Variants in ENTPD8 observed in about 807,000 individuals in gnomAD.
ENTPD8 encodes the protein E-NTPDase 8.
Under a neutral mutation model 47.0 loss-of-function variants are expected in ENTPD8, and 35 were observed. The observed-to-expected ratio is 0.75, with a 90% CI of 0.57 to 0.99. The LOEUF is 0.99. ENTPD8 is among the 50% of genes least tolerant of loss of function. ENTPD8 has a pLI of 0.00. For missense variants in ENTPD8, 668 were observed against 649.9 expected (o/e 1.03, Z -0.30); for synonymous variants, 308 against 290.5 (o/e 1.06, Z -0.61).
Position 137,438,272 on chromosome 9 carries a change from CG to C in ENTPD8, c.13del (p.Arg5GlyfsTer105). On this transcript the variant is annotated frameshift_variant, in exon 2 of 10. Coordinates refer to ENST00000371506, the MANE Select transcript of ENTPD8 (RefSeq NM_001033113.2). LOFTEE classifies it high-confidence loss of function. The surrounding 1 kb of genome is among the most constrained non-coding windows in gnomAD (Gnocchi z 5.7). MGLSRKEQVFLALLG... is the reference protein window; with the variant it reads MGLSXKEQVFLALLG... ...CAGGGCCAAGAAGACCTGCTCCTTC[CG>C]GGACAGCCCCATGGTGCAGGTGGTA... 6.3e-7 allele frequency: 1 copy of C among 1,587,152 alleles called. No homozygotes were observed. Among genetic ancestry groups the C allele is most frequent in the Non-Finnish European group, 8.6e-7 (1 of 1,166,992 alleles).
chr9:137,436,291 G>T lies in ENTPD8; in HGVS notation c.787-15C>A, dbSNP rs1002274306. The T allele has an allele frequency of 6.4e-7, 1 of 1,559,858 alleles. No homozygotes were observed. Among genetic ancestry groups the T allele is most frequent in the Admixed American group, 1.8e-5 (1 of 54,392 alleles). The stretch of plus-strand genomic sequence containing the variant: ...GCCGGGCGGCTCTGCAGAGGGCAGG[G>T]AGGCCTGAGCACCAGCCGCACACCT... On this transcript the variant is annotated splice_polypyrimidine_tract_variant and intron_variant, in intron 6 of 9. Transcript: ENST00000371506.
Position 137,434,373 on chromosome 9 carries a change from C to G in ENTPD8, c.*541G>C, listed in dbSNP as rs760489703. On this transcript the variant is annotated 3_prime_UTR_variant, in exon 10 of 10. Coordinates refer to ENST00000371506, the MANE Select transcript of ENTPD8 (RefSeq NM_001033113.2). ...AGATCAGCCCTAATGATGCTGTGTC[C>G]ATGATGCTTTTAATAAAAACAACCC... 7.7e-6 allele frequency: 12 copies of G among 1,557,948 alleles called. No homozygotes were observed. Among genetic ancestry groups the G allele is most frequent in the Admixed American group, 1.9e-5 (1 of 53,442 alleles).
chr9:137,437,952 G>A lies in ENTPD8; in HGVS notation c.244+15C>T. ...AGGCAGGTCCCAGCACCGGGCTGCA[G>A]AACAGCCCACTAACCTTCCACCTGG... On this transcript the variant is annotated intron_variant, in intron 3 of 9. Transcript: ENST00000371506. 1 of 1,600,038 alleles carries A rather than the reference G, an allele frequency of 6.2e-7. No homozygotes were observed.
intron 7 of ENTPD8, 41 bp from the exon 8 acceptor site, chr9:137,435,870 C>T (rs373670927): frequency 1.9e-5 from 30 of 1,606,656 alleles, no homozygotes; most frequent in South Asian, 5.5e-5. Context: ...GCTGTGGCCA[C>T]GCTGGGCCAG....
rs1197594288 is a variant in ENTPD8, at chr9:137,436,893, G to A, written c.531C>T (p.Asn177=). 3.1e-6 allele frequency: 5 copies of A among 1,613,008 alleles called. No homozygotes were observed. The highest frequency in any genetic ancestry group is 4.2e-6 in the Non-Finnish European group (5 of 1,179,932). ...AEGAFGWITV[N]YGLGTLVKYS... ...CCTTGACCAGCGTCCCCAAGCCGTA[G>A]TTGACAGTGATCCAACCAAAGGCAC... Residue 177 remains asparagine (N), a synonymous_variant, in exon 5 of 10, where the codon AAC becomes AAT. Coordinates refer to ENST00000371506, the MANE Select transcript of ENTPD8 (RefSeq NM_001033113.2).
chr9:137,436,070 G>A lies in ENTPD8; in HGVS notation c.993C>T (p.Gly331=). The change falls in exon 7 of 10, where the codon GGC becomes GGT. Residue 331 remains glycine (G), a synonymous_variant. Coordinates refer to ENST00000371506, the MANE Select transcript of ENTPD8 (RefSeq NM_001033113.2). The part of the protein sequence containing the change: ...RELFNFSSCQ[G]QEDCAFDGVY... ...CCCCGTCAAAGGCGCAGTCCTCCTG[G>A]CCCTGGCAGCTGGAGAAGTTGAAAA... 1 of 1,612,960 alleles carries A rather than the reference G, an allele frequency of 6.2e-7. No homozygotes were observed. The highest frequency in any genetic ancestry group is 8.5e-7 in the Non-Finnish European group (1 of 1,179,984).
chr9:137,436,610 A>G lies in ENTPD8; in HGVS notation c.697T>C (p.Tyr233His). ...GTGTAGACGCTGTAGTCGGAGCCGT[A>G]GAGGCGAAAATCGGCCTGGGTGCTC... The part of the protein sequence containing the change: ...DKSTQADFRL[Y>H]GSDYSVYTHS... Residue 233 changes from tyrosine (Y) to histidine (H), a missense_variant, in exon 6 of 10, where the codon TAC becomes CAC. Transcript: ENST00000371506. 1 of 1,610,836 alleles carries G rather than the reference A, an allele frequency of 6.2e-7. No homozygotes were observed.
In ENTPD8 at chr9:137,436,707, C is replaced by T. The variant is rs1233548404; in HGVS notation, c.600G>A (p.Leu200=). ...GEWIQPPEEM[L]VGALDMGGAS... ...CCCCTCCCATGTCCAGGGCACCCAC[C>T]AGCATCTCCTCCGGAGGCTGGATCC... Residue 200 remains leucine, a synonymous_variant, in exon 6 of 10, where the codon CTG becomes CTA. Transcript: ENST00000371506. 2.5e-6 allele frequency: 4 copies of T among 1,598,984 alleles called. No individual in the cohort carries two copies. The highest frequency in any genetic ancestry group is 3.4e-6 in the Non-Finnish European group (4 of 1,173,140).
intron 3 of ENTPD8, among the ~76,000 whole-genome samples, chr9:137,437,526 T>G (rs941780737): frequency 4.6e-5 from 7 of 152,208 alleles, no homozygotes; most frequent in African/African-American, 1.7e-4. Flanking sequence ...TCTAGAATGC[T>G]GAGAAATAAG....
In ENTPD8 at chr9:137,437,304, C is replaced by T; in HGVS notation, c.250G>A (p.Gly84Arg). ...QALACQVEGP[G>R]ISSYTSNAAQ... Reference sequence around the variant, plus strand: ...GCATTAGAAGTGTAGGAGGAGATTCCAGGCCCTGGAACAGCAGCCGGGGAC... The same window carrying T: ...GCATTAGAAGTGTAGGAGGAGATTCTAGGCCCTGGAACAGCAGCCGGGGAC... Residue 84 changes from glycine to arginine, a missense_variant, in exon 4 of 10, where the codon GGA becomes AGA. Physicochemically the swap from Gly to Arg is moderately radical, Grantham distance 125. Coordinates refer to ENST00000371506, the MANE Select transcript of ENTPD8 (RefSeq NM_001033113.2). 3 of 1,610,774 alleles carry T rather than the reference C, an allele frequency of 1.9e-6. No homozygotes were observed. Among genetic ancestry groups the T allele is most frequent in the Non-Finnish European group, 2.5e-6 (3 of 1,178,630 alleles).
intron 4 of ENTPD8, 33 bp downstream of exon 4, chr9:137,437,126 T>G: frequency 6.2e-7 from 1 of 1,606,078 alleles, no homozygotes. Context: ...CTGCAGCCAC[T>G]CCCCGTGGGT....
chr9:137,436,115 G>T lies in ENTPD8; in HGVS notation c.948C>A (p.Cys316Ter). The T allele has an allele frequency of 1.2e-6, 2 of 1,613,016 alleles. No individual in the cohort carries two copies. The highest frequency in any genetic ancestry group is 1.7e-6 in the Non-Finnish European group (2 of 1,179,982). Reference protein sequence around the residue: ...TVEGTGNPGACVSAIRELFNF... With the variant: ...TVEGTGNPGA ...TGAAAAGTTCCCGGATGGCTGAGAC[G>T]CAGGCTCCAGGGTTGCCTGTCCCTT... Residue 316 changes from cysteine to a stop codon, truncating the protein, a stop_gained, in exon 7 of 10, where the codon TGC (cysteine) becomes TGA (stop). Coordinates refer to ENST00000371506, the MANE Select transcript of ENTPD8 (RefSeq NM_001033113.2). LOFTEE classifies it high-confidence loss of function.
intron 5 of ENTPD8, 51 bp downstream of exon 5, chr9:137,436,816 CCA>C: frequency 6.2e-7 from 1 of 1,604,372 alleles, no homozygotes; most frequent in Non-Finnish European, 8.5e-7. Flanking sequence ...TCAGCCAGCC[CCA>C]GACACCAGCC....
rs758162819 is a variant in ENTPD8, at chr9:137,436,996, A to G, written c.428T>C (p.Phe143Ser). 1 of 1,612,888 alleles carries G rather than the reference A, an allele frequency of 6.2e-7. No individual in the cohort carries two copies. The highest frequency in any genetic ancestry group is 1.7e-5 in the Admixed American group (1 of 60,022). ...GCCCAGGACCTGGGTGACTGCTGCA[A>G]AGATGTCCCTGGCCTGAGAGCTGTT... ...RKNSSQARDI[F>S]AAVTQVLGRS... is the part of the protein sequence containing the mutation. Residue 143 changes from phenylalanine to serine, a missense_variant, in exon 5 of 10, where the codon TTT (phenylalanine) becomes TCT (serine). Phe to Ser is a radical substitution (Grantham distance 155). Transcript: ENST00000371506.
At chr9:137,435,156 C>T (rs773205956) in intron 9 of ENTPD8, 48 bp downstream of exon 9, 55 of 1,601,698 alleles carry the variant, frequency 3.4e-5, no homozygotes, top group East Asian at 2.9e-4. Context: ...CCCAGGACCA[C>T]GACCTGCCCA....
rs1025386652 is a variant in ENTPD8, at chr9:137,438,591, C to T, written c.-20-286G>A. 9.2e-5 allele frequency among the ~76,000 whole-genome samples: 14 copies of T among 151,520 alleles called. No individual in the cohort carries two copies. The highest frequency in any genetic ancestry group is 1.2e-4 in the African/African-American group (5 of 41,228). On this transcript the variant is annotated intron_variant, in intron 1 of 9. Transcript: ENST00000371506. The surrounding 1 kb of genome is among the most constrained non-coding windows in gnomAD (Gnocchi z 5.7). ...CCTCCCGTGGCCATAGAGGCATCCC[C>T]GGGGCTCAGACGGCCTCCCGTGGCC...
At position 137,438,246 on chromosome 9, in the gene ENTPD8, G is replaced by C; in HGVS notation, c.40C>G (p.Leu14Val). 2 of 1,599,088 alleles carry C rather than the reference G, an allele frequency of 1.3e-6. No individual in the cohort carries two copies. The highest frequency in any genetic ancestry group is 1.7e-6 in the Non-Finnish European group (2 of 1,173,396). The change falls in exon 2 of 10, where the codon CTG (leucine) becomes GTG (valine). Residue 14 changes from leucine (L) to valine (V), a missense_variant. Transcript: ENST00000371506. The surrounding 1 kb of genome is among the most constrained non-coding windows in gnomAD (Gnocchi z 5.7). ...AGGCCTGAGACCCCCGAGGCCCCCA[G>C]CAGGGCCAAGAAGACCTGCTCCTTC... ...SRKEQVFLAL[L>V]GASGVSGLTA...
chr9:137,437,847 C>T (rs1027108067), intron 3 of ENTPD8, 120 bp downstream of exon 3: 11 of 899,504 alleles, frequency 1.2e-5, no homozygotes, highest in Non-Finnish European at 1.7e-5. Flanking sequence ...AGCACCCATG[C>T]CCGGCGTGTG....
chr9:137,436,168 G>T lies in ENTPD8; in HGVS notation c.895C>A (p.Leu299Met), dbSNP rs746745798. The T allele has an allele frequency of 2.5e-6, 4 of 1,612,940 alleles. No individual in the cohort carries two copies. Among genetic ancestry groups the T allele is most frequent in the Non-Finnish European group, 3.4e-6 (4 of 1,179,972 alleles). ...ESPCVHATPP[L>M]SLPQNLTVEG... is the part of the protein sequence containing the mutation. ...ACTGTGAGGTTCTGGGGGAGGCTCA[G>T]CGGGGGCGTGGCGTGGACACAGGGT... Residue 299 changes from leucine to methionine, a missense_variant, in exon 7 of 10, where the codon CTG (leucine) becomes ATG (methionine). Transcript: ENST00000371506.
Sources: gnomAD v4.1 joint callset for allele counts (sites outside exome capture counted in the v4.1 genomes callset) on GRCh38, gnomAD v4.1.1 for gene constraint, Gnocchi (gnomAD v3.1) non-coding constraint, MANE v1.5 for transcripts, NCBI Gene and HGNC (gene_info 2026-07-23, HGNC 2026-07-21) for gene names.